The following ZFYVE16 variants were observed in gnomAD, a reference collection of about 807,000 sequenced individuals.
ZFYVE16 encodes zinc finger FYVE-type containing 16.
ZFYVE16 carries 89 observed loss-of-function variants against 138.1 expected under a neutral mutation model. The ratio of observed to expected loss-of-function variants is 0.64; its 90% confidence interval spans 0.54 to 0.77. The LOEUF is 0.77. ZFYVE16 is among the 30% of genes least tolerant of loss of function. The pLI, the probability that ZFYVE16 is intolerant of heterozygous loss-of-function variation, is 0.00. For missense variants in ZFYVE16, 1,793 were observed against 1,786.7 expected, an observed-to-expected ratio of 1.00 and a Z score of -0.06; for synonymous variants, 596 against 618.3, an observed-to-expected ratio of 0.96 and a Z score of 0.53.
At chr5:80,426,842 G>C (rs1748153963) in intron 1 of ZFYVE16, among the ~76,000 whole-genome samples, 1 of 151,934 alleles carries the variant, frequency 6.6e-6, no homozygotes, top group Non-Finnish European at 1.5e-5. Flanking sequence ...TCTGATTCTA[G>C]GTCTTTGAGG....
At position 80,438,366 on chromosome 5, in the gene ZFYVE16, A is replaced by G; in HGVS notation, c.1681A>G (p.Met561Val). 1 of 1,613,722 alleles carries G rather than the reference A, an allele frequency of 6.2e-7. No individual in the cohort carries two copies. The highest frequency in any genetic ancestry group is 8.5e-7 in the Non-Finnish European group (1 of 1,179,890). The stretch of plus-strand genomic sequence containing the variant: ...AAATGTAAATGACTCTAAATCGCAA[A>G]TGAATCAGATAGATATGAAAGGCTT... Reference protein sequence around the residue: ...EENVNDSKSQMNQIDMKGLDD... With the variant: ...EENVNDSKSQVNQIDMKGLDD... The change falls in exon 4 of 19, where the codon ATG becomes GTG. Residue 561 changes from methionine to valine, a missense_variant. Met to Val is a conservative substitution (Grantham distance 21, BLOSUM62 1). This residue lies in a region of ZFYVE16 where 1,295 missense variants were observed against 1,204.3 expected (regional missense o/e 1.08). Coordinates refer to ENST00000505560, the MANE Select transcript of ZFYVE16 (RefSeq NM_001284236.3).
intron 15 of ZFYVE16, among the ~76,000 whole-genome samples, chr5:80,472,150 A>C (rs1179596371): frequency 6.6e-6 from 1 of 152,008 alleles, no homozygotes; most frequent in Non-Finnish European, 1.5e-5. Flanking sequence ...AAGACTTCAA[A>C]GTCTTCCATG....
intron 13 of ZFYVE16, 136 bp downstream of exon 13, chr5:80,456,701 G>T (rs1752564373): frequency 1.1e-6 from 1 of 901,742 alleles, no homozygotes; most frequent in Non-Finnish European, 1.7e-6. Context: ...TGAAATGATA[G>T]AATTTGTTTA....
intron 3 of ZFYVE16, 75 bp downstream of exon 3, chr5:80,434,292 A>T: frequency 6.9e-7 from 1 of 1,438,946 alleles, no homozygotes; most frequent in Non-Finnish European, 9.6e-7. Flanking sequence ...GGTATACAGT[A>T]ATATTAGCAA....
At chr5:80,448,934 A>G (rs1223338023) in intron 8 of ZFYVE16, among the ~76,000 whole-genome samples, 4 of 152,076 alleles carry the variant, frequency 2.6e-5, no homozygotes, top group African/African-American at 9.7e-5. Flanking sequence ...TCTAGGATAG[A>G]CACTTGTCAC....
At chr5:80,470,318 G>A (rs979111665) in intron 15 of ZFYVE16, among the ~76,000 whole-genome samples, 175 of 151,472 alleles carry the variant, frequency 1.2e-3, no homozygotes, top group African/African-American at 4.1e-3. Flanking sequence ...AGCCAGGATG[G>A]TCTCGATCTC....
At chr5:80,476,971 A>G in intron 18 of ZFYVE16, among the ~76,000 whole-genome samples, 1 of 152,122 alleles carries the variant, frequency 6.6e-6, no homozygotes, top group East Asian at 1.9e-4. Flanking sequence ...TTATGTGTTC[A>G]TTTAGAGGAA....
intron 2 of ZFYVE16, among the ~76,000 whole-genome samples, chr5:80,427,971 CAAAAAAAAAAAA>C (rs386404254): frequency 1.9e-4 from 9 of 48,106 alleles, no homozygotes; most frequent in African/African-American, 8.2e-4. Flanking sequence ...GACTCCATCT[CAAAAAAAAAAAA>C]AAAAAAAAAA....
chr5:80,424,920 T>A (rs144360379), intron 1 of ZFYVE16, among the ~76,000 whole-genome samples: 2 of 152,368 alleles, frequency 1.3e-5, no homozygotes, highest in African/African-American at 4.8e-5. Flanking sequence ...GAAGTGTACC[T>A]GTTAGTTTTA....
chr5:80,452,433 C>CAAAAA (rs59341952), intron 11 of ZFYVE16: 1 of 65,618 alleles, frequency 1.5e-5, no homozygotes, highest in Non-Finnish European at 2.7e-5. Context: ...GACTACGTCT[C>CAAAAA]AAAAAAAAAA....
rs776342276 is a variant in ZFYVE16, at chr5:80,449,611, C to T, written c.3124C>T (p.Pro1042Ser). ...KGSVPVVEEH[P>S]SHEQIILLLE... is the part of the protein sequence containing the mutation. ...TTTAGTGCCTGTAGTAGAAGAACAT[C>T]CATCTCATGAGCAGATCATTTTGCT... The change falls in exon 9 of 19, where the codon CCA becomes TCA. Residue 1042 changes from proline to serine, a missense_variant. Physicochemically the swap from Pro to Ser is moderately conservative, Grantham distance 74. Coordinates refer to ENST00000505560, the MANE Select transcript of ZFYVE16 (RefSeq NM_001284236.3). 76 of 1,608,932 alleles carry T rather than the reference C, an allele frequency of 4.7e-5. No homozygotes were observed. In the Admixed American group the frequency reaches 1.2e-3, roughly 26 times the overall value.
In ZFYVE16 at chr5:80,478,404, C is replaced by A. The variant is rs1328518842; in HGVS notation, c.*1027C>A. Reference sequence around the variant, plus strand: ...TAATTACTTTTGCATATTTTAAATTCTTTATATGGTAGTTATTTTTTATAA... The same window carrying A: ...TAATTACTTTTGCATATTTTAAATTATTTATATGGTAGTTATTTTTTATAA... On this transcript the variant is annotated 3_prime_UTR_variant, in exon 19 of 19. Transcript: ENST00000505560. 1.3e-5 allele frequency: 2 copies of A among 151,846 alleles called. No homozygotes were observed. The highest frequency in any genetic ancestry group is 6.6e-5 in the Admixed American group (1 of 15,222). The allele number at this position is 151,846 out of a possible 1,614,324, so 9.4% of individuals were successfully genotyped here.
intron 2 of ZFYVE16, among the ~76,000 whole-genome samples, chr5:80,433,040 G>A (rs1269205059): frequency 6.6e-6 from 1 of 152,114 alleles, no homozygotes; most frequent in Non-Finnish European, 1.5e-5. Context: ...GATTCCTTAG[G>A]GATCTAGAAC....
intron 5 of ZFYVE16, chr5:80,441,945 G>A (rs1297576803): frequency 1.0e-6 from 1 of 983,948 alleles, no homozygotes; most frequent in Non-Finnish European, 1.2e-6. Context: ...GCATTCTGAA[G>A]TTCAAGCAGA....
chr5:80,413,080 G>A (rs566529005), intron 1 of ZFYVE16, among the ~76,000 whole-genome samples: 22 of 152,318 alleles, frequency 1.4e-4, no homozygotes, highest in Non-Finnish European at 2.9e-4. Flanking sequence ...GAAGGCTGAG[G>A]TGGGAGGATC....
intron 1 of ZFYVE16, among the ~76,000 whole-genome samples, chr5:80,420,400 C>T (rs1204580134): frequency 6.6e-6 from 1 of 152,126 alleles, no homozygotes; most frequent in Non-Finnish European, 1.5e-5. Context: ...CACCCATTAA[C>T]TCATCATTTA....
In ZFYVE16 at chr5:80,425,133, A is replaced by G. The variant is rs115681027; in HGVS notation, c.-93-2359A>G. 9.2e-3 allele frequency among the ~76,000 whole-genome samples: 1,399 copies of G among 152,296 alleles called. 29 individuals are homozygous for G. Among genetic ancestry groups the G allele is most frequent in the African/African-American group, 0.032 (1,330 of 41,548 alleles). On this transcript the variant is annotated intron_variant, in intron 1 of 18. Transcript: ENST00000505560. ...AACTCCCAGCATTATCTTTTCAAAT[A>G]TAGTTGTTCCATGCTGTCTTTTCTC...
intron 14 of ZFYVE16, 26 bp downstream of exon 14, chr5:80,457,118 A>C (rs1752604549): frequency 1.2e-6 from 2 of 1,603,142 alleles, no homozygotes; most frequent in Non-Finnish European, 1.7e-6. Context: ...CCTAGTGCTA[A>C]TTTACAAAAC....
At chr5:80,473,094 G>T (rs566702522) in intron 16 of ZFYVE16, among the ~76,000 whole-genome samples, 171 bp downstream of exon 16, 67 of 152,192 alleles carry the variant, frequency 4.4e-4, no homozygotes, top group African/African-American at 1.5e-3. Flanking sequence ...TGCCTAACTA[G>T]CCTCATAAGT....
Sources: allele counts gnomAD v4.1 joint callset (sites outside exome capture counted in the v4.1 genomes callset), GRCh38; gene constraint gnomAD v4.1.1; regional missense constraint gnomAD v4.1.1; transcripts MANE v1.5; gene names NCBI Gene and HGNC (gene_info 2026-07-23, HGNC 2026-07-21).